Variants in FRYL observed in about 807,000 individuals in gnomAD.
The protein encoded by FRYL is protein furry homolog-like.
In FRYL, 150 loss-of-function variants were observed where a neutral mutation model predicts 351.2. The ratio of observed to expected loss-of-function variants is 0.43; its 90% CI spans 0.37 to 0.49. FRYL has a LOEUF of 0.49. FRYL is among the 20% of genes least tolerant of loss of function. The pLI is 0.00. For missense variants in FRYL, 3,036 were observed against 3,619.3 expected, an observed-to-expected ratio of 0.84 and a Z score of 4.13; for synonymous variants, 1,153 against 1,257.1, an observed-to-expected ratio of 0.92 and a Z score of 1.75.
At chr4:48,626,962 G>T (rs142811981) in intron 4 of FRYL, among the ~76,000 whole-genome samples, 20 of 151,990 alleles carry the variant, frequency 1.3e-4, no homozygotes, top group Admixed American at 1.3e-3. Flanking sequence ...TTTAGTACTC[G>T]GGTCTCTGGG....
intron 18 of FRYL, among the ~76,000 whole-genome samples, chr4:48,587,550 AT>A (rs552140691): frequency 2.4e-3 from 354 of 147,992 alleles, no homozygotes; most frequent in Middle Eastern, 7.0e-3. Flanking sequence ...TTTATTTTTT[AT>A]TTTTTTTTTG....
chr4:48,574,395 T>C (rs901839257), intron 25 of FRYL: 4 of 152,180 alleles, frequency 2.6e-5, no homozygotes, highest in African/African-American at 9.7e-5. Flanking sequence ...AGAAATGCTA[T>C]CCCATACCTA....
rs764039099 is a variant in FRYL, at chr4:48,603,270, T to A, written c.933+20A>T. 5.6e-6 allele frequency: 8 copies of A among 1,439,364 alleles called. No individual in the cohort carries two copies. The Admixed American group carries it at 1.5e-4, about 27-fold the overall frequency. 89.2% of individuals were successfully genotyped at this position (1,439,364 alleles called of 1,614,324 possible). On this transcript the variant is annotated intron_variant, in intron 12 of 63. Transcript: ENST00000358350. The stretch of plus-strand genomic sequence containing the variant: ...AAAATCCCAATTAAATATGAAAAGG[T>A]TTGAAATGTTTCTTAATACCAATGA...
intron 7 of FRYL, 171 bp downstream of exon 7, chr4:48,619,103 T>C (rs1750136856): frequency 1.2e-5 from 6 of 486,780 alleles, no homozygotes; most frequent in Admixed American, 1.2e-4. Context: ...AGATAACAGA[T>C]AGGTACAGGG....
Position 48,768,954 on chromosome 4 carries a change from C to T in FRYL, c.-384+11124G>A, listed in dbSNP as rs534173961. ...AAGACCAGCCTGGACAACACAGCGA[C>T]GCCCTGTCTTTACCAAAAACAAAAA... On this transcript the variant is annotated intron_variant, in intron 1 of 63. Coordinates refer to ENST00000358350, the MANE Select transcript of FRYL (RefSeq NM_015030.2). Among the ~76,000 whole-genome samples the T allele has an allele frequency of 5.3e-5, 8 of 152,090 alleles. No homozygotes were observed. The South Asian group carries it at 6.2e-4, about 12-fold the overall frequency.
intron 3 of FRYL, among the ~76,000 whole-genome samples, chr4:48,673,964 G>C (rs914145260): frequency 1.3e-5 from 2 of 152,238 alleles, no homozygotes; most frequent in African/African-American, 4.8e-5. Context: ...ATAGTGTCCA[G>C]AATATAGAAG....
chr4:48,645,929 G>A (rs139878217), intron 3 of FRYL: 10 of 152,170 alleles, frequency 6.6e-5, no homozygotes, highest in African/African-American at 1.2e-4. Flanking sequence ...TGCACTCTAC[G>A]TAAAAACACA....
At chr4:48,638,169 C>T (rs1754621387) in intron 3 of FRYL, 1 of 152,034 alleles carries the variant, frequency 6.6e-6, no homozygotes, top group Admixed American at 6.6e-5. Context: ...TGGGCTACTA[C>T]CTCACAGCCA....
chr4:48,611,861 C>A lies in FRYL; in HGVS notation c.412-2038G>T, dbSNP rs577798298. 2.0e-5 allele frequency among the ~76,000 whole-genome samples: 3 copies of A among 152,084 alleles called. No individual in the cohort carries two copies. The East Asian group carries it at 5.8e-4, about 29-fold the overall frequency. ...AAAATCTTCAAGATATCATTTTATA[C>A]CTACTTGATGGGAAAAAGATTAAGT... On this transcript the variant is annotated intron_variant, in intron 7 of 63. Transcript: ENST00000358350.
intron 59 of FRYL, among the ~76,000 whole-genome samples, chr4:48,507,729 A>ATAGAT (rs1721548665): frequency 6.6e-6 from 1 of 152,184 alleles, no homozygotes; most frequent in South Asian, 2.1e-4. Context: ...AGATAGATAG[A>ATAGAT]TAGATAGATC....
chr4:48,733,797 C>T (rs1274168294), intron 1 of FRYL, among the ~76,000 whole-genome samples: 2 of 151,956 alleles, frequency 1.3e-5, no homozygotes, highest in African/African-American at 4.8e-5. Flanking sequence ...TCTCAAGCAA[C>T]CACTTAAAAG....
chr4:48,575,877 A>G (rs1383881950), intron 24 of FRYL, among the ~76,000 whole-genome samples, 153 bp downstream of exon 24: 3 of 152,258 alleles, frequency 2.0e-5, no homozygotes, highest in Non-Finnish European at 4.4e-5. Flanking sequence ...CATAAAAGCA[A>G]TGATGGGCTT....
chr4:48,769,023 G>A (rs1257114483), intron 1 of FRYL, among the ~76,000 whole-genome samples: 1 of 152,070 alleles, frequency 6.6e-6, no homozygotes, highest in Admixed American at 6.6e-5. Context: ...TGTAGTCTCA[G>A]CTACTCTGGA....
intron 3 of FRYL, among the ~76,000 whole-genome samples, chr4:48,655,675 T>C (rs1443744286): frequency 6.8e-5 from 10 of 147,304 alleles, no homozygotes; most frequent in Non-Finnish European, 7.5e-5. Flanking sequence ...ATGTATAATG[T>C]ATTATATAAT....
chr4:48,556,236 G>A (rs1290640226), intron 35 of FRYL, among the ~76,000 whole-genome samples: 1 of 152,136 alleles, frequency 6.6e-6, no homozygotes, highest in African/African-American at 2.4e-5. Context: ...CTAGTCTTCC[G>A]TGGACCACAC....
intron 13 of FRYL, among the ~76,000 whole-genome samples, chr4:48,596,330 C>T (rs1744581072): frequency 6.6e-6 from 1 of 152,092 alleles, no homozygotes; most frequent in Non-Finnish European, 1.5e-5. Context: ...CCAATACTGA[C>T]ATAATGACTG....
chr4:48,717,013 A>G (rs1202906543), intron 1 of FRYL, among the ~76,000 whole-genome samples: 2 of 150,390 alleles, frequency 1.3e-5, no homozygotes, highest in Non-Finnish European at 3.0e-5. Context: ...TCAGTAAACT[A>G]TCGCAAGAAC....
At chr4:48,614,550 C>T (rs1180423969) in intron 7 of FRYL, among the ~76,000 whole-genome samples, 1 of 151,644 alleles carries the variant, frequency 6.6e-6, no homozygotes, top group Admixed American at 6.6e-5. Context: ...GGTGAAACCC[C>T]ATCTCTTCTA....
intron 1 of FRYL, among the ~76,000 whole-genome samples, chr4:48,777,199 G>T (rs1013029524): frequency 6.6e-5 from 10 of 152,130 alleles, no homozygotes; most frequent in African/African-American, 2.4e-4. Context: ...CTGAATAATT[G>T]TGAATAATTG....
Sources: allele counts gnomAD v4.1 joint callset (sites outside exome capture counted in the v4.1 genomes callset), GRCh38; gene constraint gnomAD v4.1.1; transcripts MANE v1.5; gene names NCBI Gene and HGNC (gene_info 2026-07-23, HGNC 2026-07-21).